RAB9B: variants seen among roughly 807,000 people sequenced by gnomAD.
RAB9B encodes ras-related protein Rab-9B.
RAB9B carries 1 observed loss-of-function variant against 8.9 expected under a neutral mutation model. The ratio of observed to expected loss-of-function variants is 0.11; its 90% CI spans 0.04 to 0.53. RAB9B has a LOEUF of 0.53. Among genes scored for constraint, RAB9B ranks in the 20% least tolerant of loss-of-function variants. The pLI is 0.93. For synonymous variants in RAB9B, 63 were observed against 57.0 expected (o/e 1.10, Z -0.47); for missense variants, 82 against 152.9 (o/e 0.54, Z 2.45).
At chrX:103,810,440 A>C in the RAB9B span, among the ~76,000 whole-genome samples, 6 of 112,069 alleles carry the variant, frequency 5.4e-5, no homozygotes, top group African/African-American at 1.9e-4. Flanking sequence ...ACCCTTTGAG[A>C]CTTTAAGCAG....
chrX:103,780,433 C>CTGTGTGTGTGTGTG, the RAB9B span, among the ~76,000 whole-genome samples: 1 of 26,595 alleles, frequency 3.8e-5, no homozygotes, highest in Admixed American at 4.2e-4. Flanking sequence ...TTCATTCTGT[C>CTGTGTGTGTGTGTG]TCTCTCTGTG....
chrX:103,821,945 TAAGA>T (rs2074662586), downstream of RAB9B, among the ~76,000 whole-genome samples: 1 of 111,202 alleles, frequency 9.0e-6, no homozygotes, highest in Non-Finnish European at 1.9e-5. Context: ...AGTGGAAAGT[TAAGA>T]TTCAATTTCC....
At chrX:103,799,275 T>C in the RAB9B span, among the ~76,000 whole-genome samples, 5 of 111,130 alleles carry the variant, frequency 4.5e-5, no homozygotes. Context: ...GCATATCTGT[T>C]TTCAAATTCT....
At chrX:103,785,695 C>T in the RAB9B span, 1 of 1,209,519 alleles carries the variant, frequency 8.3e-7, no homozygotes, top group Non-Finnish European at 1.1e-6. Flanking sequence ...ACATGAAGCC[C>T]TCACTGGCAC....
the RAB9B span, chrX:103,789,321 A>C: frequency 8.4e-7 from 1 of 1,188,314 alleles, no homozygotes; most frequent in Non-Finnish European, 1.1e-6. Context: ...TTCCTCTTTC[A>C]TTTTCCTGCA....
chrX:103,813,745 C>CAAAAAAA, the RAB9B span, among the ~76,000 whole-genome samples: 100 of 8,545 alleles, frequency 0.012, 32 homozygotes, highest in Non-Finnish European at 0.017. Flanking sequence ...AAATGGAAAG[C>CAAAAAAA]AAAAAAAAAA....
At chrX:103,797,284 G>A in the RAB9B span, among the ~76,000 whole-genome samples, 1 of 109,830 alleles carries the variant, frequency 9.1e-6, no homozygotes, top group Non-Finnish European at 1.9e-5. Context: ...TAGAGACGTG[G>A]TTTTGCCATG....
At chrX:103,814,248 C>T in the RAB9B span, among the ~76,000 whole-genome samples, 1 of 112,055 alleles carries the variant, frequency 8.9e-6, no homozygotes, top group Non-Finnish European at 1.9e-5. Context: ...TCTCAGACCA[C>T]AGTGCAATCA....
the RAB9B span, chrX:103,788,795 C>T: frequency 2.8e-6 from 1 of 356,916 alleles, no homozygotes; most frequent in Admixed American, 4.7e-5. Context: ...CAAAATCCCC[C>T]ACATGAAAAT....
At chrX:103,807,166 G>A in the RAB9B span, among the ~76,000 whole-genome samples, 2 of 111,946 alleles carry the variant, frequency 1.8e-5, no homozygotes, top group Admixed American at 1.9e-4. Flanking sequence ...ACAAATGAGA[G>A]TTTGCTTTGA....
chrX:103,785,976 C>G, the RAB9B span: 1 of 544,751 alleles, frequency 1.8e-6, no homozygotes, highest in Non-Finnish European at 2.9e-6. Flanking sequence ...CTGTCAGCCC[C>G]TCCCACCCCC....
At chrX:103,791,835 T>C in the RAB9B span, 1 of 113,142 alleles carries the variant, frequency 8.8e-6, no homozygotes, top group Non-Finnish European at 1.9e-5. Flanking sequence ...ACAAGTATTC[T>C]GCCTTTGCAG....
At chrX:103,818,305 T>C (rs1255103471), downstream of RAB9B, among the ~76,000 whole-genome samples, 3 of 111,995 alleles carry the variant, frequency 2.7e-5, no homozygotes, top group African/African-American at 9.7e-5. Flanking sequence ...AAAAGGAAGA[T>C]AATAGTCCAT....
chrX:103,785,431 G>C, the RAB9B span: 1 of 511,798 alleles, frequency 2.0e-6, no homozygotes, highest in South Asian at 2.8e-5. Context: ...AATCTCACAT[G>C]CTGAAAGCCA....
At chrX:103,785,066 T>G in the RAB9B span, among the ~76,000 whole-genome samples, 9 of 111,719 alleles carry the variant, frequency 8.1e-5, no homozygotes, top group African/African-American at 2.9e-4. Flanking sequence ...TAAGGATTTA[T>G]TTTCTTTCTT....
Position 103,823,639 on chromosome X carries a change from C to T in RAB9B, c.*1540G>A, listed in dbSNP as rs1419063726. On this transcript the variant is annotated 3_prime_UTR_variant, in exon 3 of 3. Transcript: ENST00000243298. The stretch of plus-strand genomic sequence containing the variant: ...AATCTATGCAGGGTAAACAGATCAA[C>T]CAACAAGAACCACACTGCATATTCA... 8.9e-6 allele frequency: 1 copy of T among 111,942 alleles called. No individual in the cohort carries two copies. The highest frequency in any genetic ancestry group is 1.9e-5 in the Non-Finnish European group (1 of 53,203). The allele number at this position is 111,942 out of a possible 1,213,427, so 9.2% of individuals were successfully genotyped here.
chrX:103,818,074 G>C (rs1043468420), downstream of RAB9B, among the ~76,000 whole-genome samples: 1 of 110,744 alleles, frequency 9.0e-6, no homozygotes, highest in East Asian at 2.8e-4. Flanking sequence ...CTAGCAATGT[G>C]GATAAGATCA....
chrX:103,823,712 C>T lies in RAB9B; in HGVS notation c.*1467G>A, dbSNP rs2074672275. 1 of 112,081 alleles carries T rather than the reference C, an allele frequency of 8.9e-6. No homozygotes were observed. The highest frequency in any genetic ancestry group is 9.5e-5 in the Admixed American group (1 of 10,566). The allele number at this position is 112,081 out of a possible 1,213,427, so 9.2% of individuals were successfully genotyped here. On this transcript the variant is annotated 3_prime_UTR_variant, in exon 3 of 3. Transcript: ENST00000243298. Reference sequence around the variant, plus strand: ...TCATGGTAATCAAAAATTGTCAAACCATTTTTATATTTTAACATGGGAGCT... The same window carrying T: ...TCATGGTAATCAAAAATTGTCAAACTATTTTTATATTTTAACATGGGAGCT...
At chrX:103,795,842 T>A in the RAB9B span, among the ~76,000 whole-genome samples, 2 of 112,064 alleles carry the variant, frequency 1.8e-5, no homozygotes, top group Non-Finnish European at 3.8e-5. Flanking sequence ...CTCAGCTAAT[T>A]ACTGCTAGGA....
Sources: gnomAD v4.1 joint callset for allele counts (sites outside exome capture counted in the v4.1 genomes callset) on GRCh38, gnomAD v4.1.1 for gene constraint, MANE v1.5 for transcripts, NCBI Gene and HGNC (gene_info 2026-07-23, HGNC 2026-07-21) for gene names.